SYN3: variants seen among roughly 807,000 people sequenced by gnomAD.
The protein encoded by SYN3 is synapsin III.
A neutral mutation model predicts 65.8 loss-of-function variants in SYN3; 35 were observed. That is an observed-to-expected ratio of 0.53 (90% confidence interval 0.41 to 0.70). The LOEUF is 0.70. Ranked by LOEUF, SYN3 falls within the 30% of genes least tolerant of loss-of-function variation. The pLI is 0.00. For synonymous variants in SYN3, 270 were observed against 292.9 expected (o/e 0.92, Z 0.80); for missense variants, 680 against 749.0 (o/e 0.91, Z 1.08).
Position 32,980,608 on chromosome 22 carries a change from G to A in SYN3, c.369+37C>T, listed in dbSNP as rs776107137. 35 of 1,601,646 alleles carry A rather than the reference G, an allele frequency of 2.2e-5. No individual in the cohort carries two copies. In the South Asian group the frequency reaches 3.5e-4, roughly 16 times the overall value. The stretch of plus-strand genomic sequence containing the variant: ...AAGAACAGCCCCAGCGGCAGAAAAG[G>A]TCAGTTGACAGTGCTAAAGACACAG... On this transcript the variant is annotated intron_variant, in intron 3 of 13. Transcript: ENST00000358763.
Position 33,022,152 on chromosome 22 carries a change from G to A in SYN3, c.-162-15328C>T, listed in dbSNP as rs373258721. ...AACACGGCTTATAAATTCTCCACTCGATGAGGGCTAAAACAATTTTTTTCC... is the reference window on the plus strand; with the variant it reads ...AACACGGCTTATAAATTCTCCACTCAATGAGGGCTAAAACAATTTTTTTCC... On this transcript the variant is annotated intron_variant, in intron 1 of 13. Transcript: ENST00000358763. 8.5e-5 allele frequency among the ~76,000 whole-genome samples: 13 copies of A among 152,308 alleles called. No individual in the cohort carries two copies. The East Asian group carries it at 1.7e-3, about 20-fold the overall frequency.
At chr22:33,048,011 C>T (rs1057248044) in intron 1 of SYN3, among the ~76,000 whole-genome samples, 2 of 152,052 alleles carry the variant, frequency 1.3e-5, no homozygotes, top group African/African-American at 4.8e-5. Flanking sequence ...AAGCAATATT[C>T]AGGGGCATGA....
At chr22:32,991,876 C>A (rs77421051) in intron 2 of SYN3, among the ~76,000 whole-genome samples, 1 of 152,184 alleles carries the variant, frequency 6.6e-6, no homozygotes, top group African/African-American at 2.4e-5. Context: ...TCTCTCCTGT[C>A]GAAGATGCAC....
chr22:32,877,963 G>C (rs184501808), intron 4 of SYN3, among the ~76,000 whole-genome samples: 6 of 152,278 alleles, frequency 3.9e-5, no homozygotes, highest in Admixed American at 2.6e-4. Context: ...TTTTACTTAT[G>C]TTATCTTTAT....
chr22:32,795,339 G>T (rs933470264), intron 6 of SYN3, among the ~76,000 whole-genome samples: 4 of 152,202 alleles, frequency 2.6e-5, no homozygotes. Flanking sequence ...AGGTAGAAAT[G>T]GTAAGAATGA....
intron 6 of SYN3, among the ~76,000 whole-genome samples, chr22:32,794,860 G>A (rs970816880): frequency 6.6e-6 from 1 of 152,206 alleles, no homozygotes; most frequent in African/African-American, 2.4e-5. Context: ...CAGATGAGGT[G>A]GAGGAGGGTG....
Position 32,643,507 on chromosome 22 carries a change from T to C in SYN3, c.712-46771A>G, listed in dbSNP as rs74388954. Among the ~76,000 whole-genome samples the C allele has an allele frequency of 3.9e-3, 471 of 121,298 alleles. 3 individuals carry two copies. Among genetic ancestry groups the C allele is most frequent in the African/African-American group, 0.014 (418 of 30,558 alleles). The allele number at this position is 121,298 out of a possible 152,430, so 79.6% of individuals were successfully genotyped here. A position where few individuals can be genotyped will look rare whatever the true frequency, so the allele number is the denominator to read the frequency against. ...GCCCAGAGAGTCCTTGAAATCACTG[T>C]AAGAGATCTCTAAGAATAATGAGAG... On this transcript the variant is annotated intron_variant, in intron 6 of 13. Transcript: ENST00000358763.
intron 2 of SYN3, among the ~76,000 whole-genome samples, chr22:32,990,571 T>C (rs1266746295): frequency 6.6e-6 from 1 of 152,096 alleles, no homozygotes; most frequent in Non-Finnish European, 1.5e-5. Context: ...GCCCTTGAAA[T>C]TGCACTGAAC....
At chr22:32,864,303 C>G (rs1266353469) in intron 6 of SYN3, among the ~76,000 whole-genome samples, 3 of 152,164 alleles carry the variant, frequency 2.0e-5, no homozygotes, top group African/African-American at 7.2e-5. Flanking sequence ...GAGCTCCTCC[C>G]CCCAACACTT....
intron 3 of SYN3, among the ~76,000 whole-genome samples, chr22:32,932,728 T>C (rs1439179587): frequency 6.6e-6 from 1 of 152,176 alleles, no homozygotes; most frequent in Non-Finnish European, 1.5e-5. Flanking sequence ...CCAGATGACA[T>C]GCTCCCTGGG....
At chr22:32,974,332 T>C (rs1041400123) in intron 3 of SYN3, among the ~76,000 whole-genome samples, 3 of 152,230 alleles carry the variant, frequency 2.0e-5, no homozygotes, top group Non-Finnish European at 2.9e-5. Context: ...TTCTGAAAGA[T>C]GGAGGTGATA....
chr22:32,722,614 G>A (rs745652150), intron 6 of SYN3, among the ~76,000 whole-genome samples: 4 of 152,204 alleles, frequency 2.6e-5, no homozygotes, highest in Non-Finnish European at 4.4e-5. Flanking sequence ...ATTGGTGGCC[G>A]AGGCCAGTTT....
At chr22:32,518,389 T>A in intron 12 of SYN3, 55 bp from the exon 13 acceptor site, 3 of 1,594,024 alleles carry the variant, frequency 1.9e-6, no homozygotes, top group Non-Finnish European at 2.6e-6. Context: ...AGGATAGATA[T>A]GGCTGTACAC....
chr22:32,520,188 G>A (rs1601549069), intron 12 of SYN3, among the ~76,000 whole-genome samples: 1 of 152,192 alleles, frequency 6.6e-6, no homozygotes, highest in East Asian at 1.9e-4. Flanking sequence ...TGTCACCCAG[G>A]GTAGAGTGCA....
intron 9 of SYN3, 88 bp downstream of exon 9, chr22:32,537,948 T>G (rs1250593515): frequency 8.4e-7 from 1 of 1,183,460 alleles, no homozygotes; most frequent in East Asian, 2.4e-5. Flanking sequence ...GAGGGCGGAG[T>G]GGCCTTCTCT....
chr22:32,594,255 C>G (rs1481410148), intron 7 of SYN3, among the ~76,000 whole-genome samples: 1 of 152,170 alleles, frequency 6.6e-6, no homozygotes, highest in African/African-American at 2.4e-5. Flanking sequence ...ACTCAGGGCT[C>G]TGGGATACAG....
intron 3 of SYN3, among the ~76,000 whole-genome samples, chr22:32,958,324 C>A (rs1254042618): frequency 6.6e-6 from 1 of 152,212 alleles, no homozygotes; most frequent in African/African-American, 2.4e-5. Flanking sequence ...CCGGAATGGC[C>A]TCCCAGTGAT....
At chr22:33,009,461 GTTGT>G (rs1331961454) in intron 1 of SYN3, among the ~76,000 whole-genome samples, 3 of 151,978 alleles carry the variant, frequency 2.0e-5, no homozygotes, top group Non-Finnish European at 4.4e-5. Flanking sequence ...TAAAAGGTGG[GTTGT>G]TTATCTTTTT....
At chr22:32,815,896 C>A (rs1442491160) in intron 6 of SYN3, among the ~76,000 whole-genome samples, 1 of 152,182 alleles carries the variant, frequency 6.6e-6, no homozygotes, top group Non-Finnish European at 1.5e-5. Context: ...TGTGTCTGTT[C>A]TGTGGTCTGT....
Sources: allele counts gnomAD v4.1 joint callset (sites outside exome capture counted in the v4.1 genomes callset), GRCh38; gene constraint gnomAD v4.1.1; transcripts MANE v1.5; gene names NCBI Gene and HGNC (gene_info 2026-07-23, HGNC 2026-07-21).